UNC119: variants seen among roughly 807,000 people sequenced by gnomAD.
The protein encoded by UNC119 is protein unc-119 homolog A.
Under a neutral mutation model 22.6 loss-of-function variants are expected in UNC119, and 15 were observed. The observed-to-expected ratio is 0.66, with a 90% CI of 0.44 to 1.02. The LOEUF is 1.02. Ranked by LOEUF, UNC119 falls within the 50% of genes least tolerant of loss-of-function variation. The pLI is 0.00. For missense variants in UNC119, 322 were observed against 336.0 expected (o/e 0.96, Z 0.33); for synonymous variants, 138 against 139.4 (o/e 0.99, Z 0.07).
chr17:28,550,852 T>C (rs2070261558), intron 1 of UNC119: 1 of 152,238 alleles, frequency 6.6e-6, no homozygotes, highest in Non-Finnish European at 1.5e-5. Context: ...CTCCCTCTAG[T>C]TGCAAAATAA....
At chr17:28,548,797 C>T in intron 1 of UNC119, 92 bp from the exon 2 acceptor site, 1 of 990,732 alleles carries the variant, frequency 1.0e-6, no homozygotes, top group Non-Finnish European at 1.6e-6. Context: ...CTACCATCTT[C>T]TCATCCCTGG....
intron 1 of UNC119, 41 bp downstream of exon 1, chr17:28,552,297 C>A: frequency 6.6e-7 from 1 of 1,522,838 alleles, no homozygotes; most frequent in South Asian, 1.2e-5. Context: ...GCACCCTCTC[C>A]CCTTCCCACC....
chr17:28,552,315 G>C lies in UNC119; in HGVS notation c.220+23C>G, dbSNP rs758064494. The C allele has an allele frequency of 3.5e-5, 54 of 1,529,770 alleles. No homozygotes were observed. The Middle Eastern group carries it at 6.8e-4, about 19-fold the overall frequency. 94.8% of individuals were successfully genotyped at this position (1,529,770 alleles called of 1,614,324 possible). On this transcript the variant is annotated intron_variant, in intron 1 of 4. Transcript: ENST00000335765. ...CCCTCTCCCCTTCCCACCCGCGGGC[G>C]GCGCTCCCTCGCGGGTGCTCACCAC... is the stretch of plus-strand genomic sequence containing the variant.
In UNC119 at chr17:28,552,511, G is replaced by A. The variant is rs756038571; in HGVS notation, c.47C>T (p.Ser16Phe). Residue 16 changes from serine to phenylalanine, a missense_variant, in exon 1 of 5, where the codon TCC becomes TTC. Transcript: ENST00000335765. ...GGGGAGTATE[S>F]APGPSGQSVA... ...GCTCTGGCCCGAGGGCCCCGGAGCG[G>A]ACTCCGTCGCCGTCCCGGCCCCACC... 2.3e-5 allele frequency: 36 copies of A among 1,560,268 alleles called. No individual in the cohort carries two copies. The highest frequency in any genetic ancestry group is 4.6e-5 in the South Asian group (4 of 86,288).
rs1353621046 is a variant in UNC119, at chr17:28,552,504, C to T, written c.54G>A (p.Pro18=). The T allele has an allele frequency of 1.5e-5, 23 of 1,564,770 alleles. No individual in the cohort carries two copies. Among genetic ancestry groups the T allele is most frequent in the Non-Finnish European group, 1.8e-5 (21 of 1,165,628 alleles). ...GGAGTATESA[P]GPSGQSVAPI... is the part of the protein sequence containing the mutation. Reference sequence around the variant, plus strand: ...GGGCCACGCTCTGGCCCGAGGGCCCCGGAGCGGACTCCGTCGCCGTCCCGG... The same window carrying T: ...GGGCCACGCTCTGGCCCGAGGGCCCTGGAGCGGACTCCGTCGCCGTCCCGG... The change falls in exon 1 of 5, where the codon CCG becomes CCA. Residue 18 remains proline, a synonymous_variant. Coordinates refer to ENST00000335765, the MANE Select transcript of UNC119 (RefSeq NM_005148.4).
intron 1 of UNC119, chr17:28,551,743 T>C (rs2070272394): frequency 5.9e-6 from 1 of 170,708 alleles, no homozygotes; most frequent in Non-Finnish European, 1.3e-5. Flanking sequence ...GGACAGGTGC[T>C]AGTCCAGGCT....
At position 28,547,106 on chromosome 17, in the gene UNC119, T is replaced by C. The variant is rs1490819793; in HGVS notation, c.*191A>G. 3 of 663,946 alleles carry C rather than the reference T, an allele frequency of 4.5e-6. No homozygotes were observed. Among genetic ancestry groups the C allele is most frequent in the Non-Finnish European group, 7.8e-6 (3 of 382,818 alleles). 41.1% of individuals were successfully genotyped at this position (663,946 alleles called of 1,614,324 possible). On this transcript the variant is annotated 3_prime_UTR_variant, in exon 5 of 5. Transcript: ENST00000335765. Reference sequence around the variant, plus strand: ...ACAGCCTCCCTACGACCCCACCCCATGTAGCAGGCCGCATGGGCTTCATGG... The same window carrying C: ...ACAGCCTCCCTACGACCCCACCCCACGTAGCAGGCCGCATGGGCTTCATGG...
chr17:28,552,468 C>A lies in UNC119; in HGVS notation c.90G>T (p.Gln30His). ...ACCCAGATTCGGATTCCGCAGGCGG[C>A]TGTGGTATGGGGGCCACGCTCTGGC... ...PSGQSVAPIP[Q>H]PPAESESGSE... The change falls in exon 1 of 5, where the codon CAG (glutamine) becomes CAT (histidine). Residue 30 changes from glutamine to histidine, a missense_variant. Physicochemically the swap from Gln to His is conservative, Grantham distance 24. Transcript: ENST00000335765. 6.3e-7 allele frequency: 1 copy of A among 1,579,338 alleles called. No individual in the cohort carries two copies. The highest frequency in any genetic ancestry group is 8.5e-7 in the Non-Finnish European group (1 of 1,171,306).
intron 1 of UNC119, chr17:28,550,659 G>A (rs2070260138): frequency 6.6e-6 from 1 of 152,214 alleles, no homozygotes; most frequent in African/African-American, 2.4e-5. Context: ...GCATGATTAG[G>A]GTCAGAAGAG....
chr17:28,552,530 C>A lies in UNC119; in HGVS notation c.28G>T (p.Ala10Ser), dbSNP rs1164865388. The A allele has an allele frequency of 1.3e-6, 2 of 1,544,560 alleles. No homozygotes were observed. The highest frequency in any genetic ancestry group is 1.7e-6 in the Non-Finnish European group (2 of 1,155,736). ...GGAGCGGACTCCGTCGCCGTCCCGG[C>A]CCCACCGCCGCCCTTCTTCACCTTC... MKVKKGGGGAGTATESAPGP... is the reference protein window; with the variant it reads MKVKKGGGGSGTATESAPGP... Residue 10 changes from alanine to serine, a missense_variant, in exon 1 of 5, where the codon GCC becomes TCC. Ala to Ser is a moderately conservative substitution (Grantham distance 99). Coordinates refer to ENST00000335765, the MANE Select transcript of UNC119 (RefSeq NM_005148.4).
rs533961665 is a variant in UNC119, at chr17:28,547,694, G to C, written c.593C>G (p.Pro198Arg). 3 of 1,614,182 alleles carry C rather than the reference G, an allele frequency of 1.9e-6. No homozygotes were observed. The highest frequency in any genetic ancestry group is 1.3e-5 in the African/African-American group (1 of 75,052). The change falls in exon 4 of 5, where the codon CCT (proline) becomes CGT (arginine). Residue 198 changes from proline to arginine, a missense_variant. Pro to Arg is a moderately radical substitution (Grantham distance 103). Transcript: ENST00000335765. ...CCGCGCACTCAGCTCCTCGGAGAGA[G>C]GGGGGAAGTCGTAAATGTGCTCGCA... The part of the protein sequence containing the change: ...NTCEHIYDFP[P>R]LSEELISEMI...
At chr17:28,549,005 TG>T in intron 1 of UNC119, 1 of 293,942 alleles carries the variant, frequency 3.4e-6, no homozygotes, top group Non-Finnish European at 6.6e-6. Context: ...TCTCCCACTC[TG>T]GAGTTGAGGG....
At chr17:28,547,872 G>C in intron 3 of UNC119, 23 bp from the exon 4 acceptor site, 1 of 1,613,814 alleles carries the variant, frequency 6.2e-7, no homozygotes, top group Admixed American at 1.7e-5. Context: ...AGGAGGCAGG[G>C]CTAAGTCTGT....
Position 28,547,168 on chromosome 17 carries a change from A to C in UNC119, c.*129T>G. ...GACACCAGGTACCCTTCCTCCCAAC[A>C]TTGACTCAGGGTCCGGAGCTCCTGG... On this transcript the variant is annotated 3_prime_UTR_variant, in exon 5 of 5. Coordinates refer to ENST00000335765, the MANE Select transcript of UNC119 (RefSeq NM_005148.4). 8.8e-7 allele frequency: 1 copy of C among 1,141,708 alleles called. No homozygotes were observed. The highest frequency in any genetic ancestry group is 1.3e-6 in the Non-Finnish European group (1 of 784,496). 70.7% of individuals were successfully genotyped at this position (1,141,708 alleles called of 1,614,324 possible).
At chr17:28,549,564 C>T (rs1038188640) in intron 1 of UNC119, 1 of 152,452 alleles carries the variant, frequency 6.6e-6, no homozygotes, top group Admixed American at 6.5e-5. Flanking sequence ...GAGAGAACCC[C>T]CTTAGAGGTC....
In UNC119 at chr17:28,547,108, T is replaced by G; in HGVS notation, c.*189A>C. 1.5e-6 allele frequency: 1 copy of G among 678,614 alleles called. No homozygotes were observed. The highest frequency in any genetic ancestry group is 2.3e-5 in the Admixed American group (1 of 44,304). 42.0% of individuals were successfully genotyped at this position (678,614 alleles called of 1,614,324 possible). ...AGCCTCCCTACGACCCCACCCCATGTAGCAGGCCGCATGGGCTTCATGGGC... is the reference window on the plus strand; with the variant it reads ...AGCCTCCCTACGACCCCACCCCATGGAGCAGGCCGCATGGGCTTCATGGGC... On this transcript the variant is annotated 3_prime_UTR_variant, in exon 5 of 5. Transcript: ENST00000335765.
At chr17:28,547,631 C>A in intron 4 of UNC119, 46 bp downstream of exon 4, 2 of 1,614,110 alleles carry the variant, frequency 1.2e-6, no homozygotes, top group South Asian at 2.2e-5. Flanking sequence ...AGCTCAGTCT[C>A]TAGACGCCCC....
intron 2 of UNC119, 63 bp from the exon 3 acceptor site, chr17:28,548,164 C>G: frequency 6.7e-7 from 1 of 1,495,378 alleles, no homozygotes; most frequent in Non-Finnish European, 9.1e-7. Flanking sequence ...ACCCAGGGTT[C>G]TACCCTTGGG....
In UNC119 at chr17:28,547,860, A is replaced by G. The variant is rs1278427491; in HGVS notation, c.438-11T>C. ...ACTGTGAACTCCACCCTGAGCAAGA[A>G]AAGGAGGCAGGGCTAAGTCTGTCCT... On this transcript the variant is annotated splice_polypyrimidine_tract_variant and intron_variant, in intron 3 of 4. Coordinates refer to ENST00000335765, the MANE Select transcript of UNC119 (RefSeq NM_005148.4). The G allele has an allele frequency of 1.2e-6, 2 of 1,613,950 alleles. No individual in the cohort carries two copies. Among genetic ancestry groups the G allele is most frequent in the Admixed American group, 3.3e-5 (2 of 60,008 alleles).
Sources: gnomAD v4.1 joint callset for allele counts on GRCh38, gnomAD v4.1.1 for gene constraint, MANE v1.5 for transcripts, NCBI Gene and HGNC (gene_info 2026-07-23, HGNC 2026-07-21) for gene names.